Variants in DMBT1 observed in about 807,000 individuals in gnomAD.
The protein encoded by DMBT1 is scavenger receptor cysteine-rich domain-containing protein DMBT1.
A neutral mutation model predicts 252.9 loss-of-function variants in DMBT1; 198 were observed. That is an observed-to-expected ratio of 0.78 (90% CI 0.70 to 0.88). DMBT1 has a LOEUF of 0.88. DMBT1 is among the 40% of genes least tolerant of loss of function. The pLI is 0.00. For synonymous variants in DMBT1, 990 were observed against 942.7 expected, an observed-to-expected ratio of 1.05 and a Z score of -0.92; for missense variants, 2,432 against 2,404.7, an observed-to-expected ratio of 1.01 and a Z score of -0.24.
chr10:122,617,410 C>A, intron 40 of DMBT1, 150 bp downstream of exon 40: 1 of 1,033,158 alleles, frequency 9.7e-7, no homozygotes, highest in Non-Finnish European at 1.4e-6. Flanking sequence ...AGGGAGTCAG[C>A]CCTGGGTTTG....
At chr10:122,588,835 G>T in intron 16 of DMBT1, 109 bp from the exon 17 acceptor site, 1 of 1,537,542 alleles carries the variant, frequency 6.5e-7, no homozygotes, top group Non-Finnish European at 8.8e-7. Flanking sequence ...AATCGTGACT[G>T]CCTGCCCAGG....
intron 45 of DMBT1, 67 bp downstream of exon 45, chr10:122,625,370 A>G: frequency 6.8e-7 from 1 of 1,465,062 alleles, no homozygotes; most frequent in Non-Finnish European, 9.5e-7. Flanking sequence ...TGTTTCCAGA[A>G]GTAGGAGGAG....
chr10:122,585,384 A>T, intron 15 of DMBT1, 75 bp downstream of exon 15: 1 of 1,522,154 alleles, frequency 6.6e-7, no homozygotes, highest in South Asian at 1.2e-5. Context: ...AAATGATAGG[A>T]TGAGGGTCAA....
intron 27 of DMBT1, 32 bp downstream of exon 27, chr10:122,600,125 C>G: frequency 6.2e-7 from 1 of 1,602,288 alleles, no homozygotes; most frequent in Middle Eastern, 1.7e-4. Context: ...TCAAAATGTC[C>G]CTTCTCTTTC....
At position 122,565,670 on chromosome 10, in the gene DMBT1, A is replaced by G. The variant is rs1230404324; in HGVS notation, c.62-297A>G. 2.0e-5 allele frequency among the ~76,000 whole-genome samples: 3 copies of G among 152,344 alleles called. No individual in the cohort carries two copies. In the East Asian group the frequency reaches 5.8e-4, roughly 29 times the overall value. On this transcript the variant is annotated intron_variant, in intron 1 of 55. Coordinates refer to ENST00000338354, the MANE Select transcript of DMBT1 (RefSeq NM_001377530.1). ...GAGCTTAAGCTGTCTTCTCTTGTCC[A>G]GCCCTTCTTTCCAAGCATAGATTAC...
In DMBT1 at chr10:122,631,292, A is replaced by G. The variant is rs746646505; in HGVS notation, c.6346+11A>G. The stretch of plus-strand genomic sequence containing the variant: ...GTGTCATCTGCTCAGGTATGGCCCA[A>G]TGCCATGGAAGGCCCATTTCACCTG... On this transcript the variant is annotated intron_variant, in intron 49 of 55. Coordinates refer to ENST00000338354, the MANE Select transcript of DMBT1 (RefSeq NM_001377530.1). The G allele has an allele frequency of 4.9e-5, 79 of 1,608,102 alleles. No homozygotes were observed. Among genetic ancestry groups the G allele is most frequent in the Non-Finnish European group, 6.5e-5 (76 of 1,175,128 alleles).
chr10:122,570,759 G>A lies in DMBT1; in HGVS notation c.140-131G>A, dbSNP rs746263575. Reference sequence around the variant, plus strand: ...GTAACACAGTGATTGGCACATGGTTGGCTTTTAGCAATGGAGGTTGCCCTT... The same window carrying A: ...GTAACACAGTGATTGGCACATGGTTAGCTTTTAGCAATGGAGGTTGCCCTT... On this transcript the variant is annotated intron_variant, in intron 3 of 55. Transcript: ENST00000338354. 1.2e-3 allele frequency: 1,359 copies of A among 1,121,134 alleles called. 15 individuals are homozygous for A. The highest frequency in any genetic ancestry group is 1.3e-3 in the Admixed American group (76 of 57,950). 69.4% of individuals were successfully genotyped at this position (1,121,134 alleles called of 1,614,324 possible).
chr10:122,617,323 C>G, intron 40 of DMBT1, 63 bp downstream of exon 40: 1 of 1,562,348 alleles, frequency 6.4e-7, no homozygotes, highest in South Asian at 1.1e-5. Context: ...GTGTTTGAAA[C>G]TGATAGGATG....
rs1226106819 is a variant in DMBT1, at chr10:122,578,708, C to T, written c.638-10C>T. The T allele has an allele frequency of 1.9e-6, 3 of 1,605,136 alleles. No individual in the cohort carries two copies. In the African/African-American group the frequency reaches 4.0e-5, roughly 21 times the overall value. On this transcript the variant is annotated splice_polypyrimidine_tract_variant and intron_variant, in intron 8 of 55. Coordinates refer to ENST00000338354, the MANE Select transcript of DMBT1 (RefSeq NM_001377530.1). ...CCAATTGTATCCTTTCTCTTTGTTG[C>T]TGTTTACAGAAAGTTGGCCTGTCAG...
At position 122,636,166 on chromosome 10, in the gene DMBT1, G is replaced by C. The variant is rs988127835; in HGVS notation, c.6724G>C (p.Glu2242Gln). The C allele has an allele frequency of 2.5e-6, 4 of 1,613,794 alleles. No individual in the cohort carries two copies. The highest frequency in any genetic ancestry group is 3.4e-6 in the Non-Finnish European group (4 of 1,179,876). The change falls in exon 53 of 56, where the codon GAG becomes CAG. Residue 2242 changes from glutamate (E) to glutamine (Q), a missense_variant. Transcript: ENST00000338354. The stretch of plus-strand genomic sequence containing the variant: ...CATCACAAGGAGAGGGTTCCGGGCT[G>C]AGTACTACTCCAGTCCCTCCAATGA... ...HSITRRGFRA[E>Q]YYSSPSNDST...
chr10:122,586,236 A>G lies in DMBT1; in HGVS notation c.1636A>G (p.Asn546Asp), dbSNP rs1480099818. ...GCGWAMLAPGNARFGQGSGPI... is the reference protein window; with the variant it reads ...GCGWAMLAPGDARFGQGSGPI... Reference sequence around the variant, plus strand: ...TGGCTGGGCCATGTTGGCCCCAGGAAATGCCCGGTTTGGTCAGGGCTCAGG... The same window carrying G: ...TGGCTGGGCCATGTTGGCCCCAGGAGATGCCCGGTTTGGTCAGGGCTCAGG... The change falls in exon 16 of 56, where the codon AAT becomes GAT. Residue 546 changes from asparagine to aspartate, a missense_variant. By Grantham distance (23) the Asn-to-Asp change is conservative. Coordinates refer to ENST00000338354, the MANE Select transcript of DMBT1 (RefSeq NM_001377530.1). The G allele has an allele frequency of 1.3e-6, 2 of 1,588,878 alleles. No individual in the cohort carries two copies. Among genetic ancestry groups the G allele is most frequent in the African/African-American group, 2.7e-5 (2 of 74,624 alleles).
intron 18 of DMBT1, among the ~76,000 whole-genome samples, chr10:122,590,997 T>C (rs1218497193): frequency 1.3e-5 from 2 of 148,426 alleles, no homozygotes. Flanking sequence ...CATTCCTCAC[T>C]CCTTCAGACA....
intron 26 of DMBT1, 31 bp downstream of exon 26, chr10:122,599,128 T>G: frequency 6.2e-7 from 1 of 1,613,740 alleles, no homozygotes; most frequent in Non-Finnish European, 8.5e-7. Context: ...GATCACTCTC[T>G]TGGGGTGGAG....
At chr10:122,567,714 C>T (rs2981774) in intron 2 of DMBT1, among the ~76,000 whole-genome samples, 101,827 of 151,892 alleles carry the variant, frequency 0.67, 34,498 homozygotes, top group East Asian at 0.77. Flanking sequence ...GGCATCACGT[C>T]GGGCAGGAAC....
At position 122,570,893 on chromosome 10, in the gene DMBT1, C is replaced by A. The variant is rs1438141906; in HGVS notation, c.143C>A (p.Ser48Tyr). Residue 48 changes from serine to tyrosine, a missense_variant, in exon 4 of 56, where the codon TCT becomes TAT. Coordinates refer to ENST00000338354, the MANE Select transcript of DMBT1 (RefSeq NM_001377530.1). ...VPLDPTVAEG[S>Y]PFPSESTLES... ...TCTTCCTTTCTCCACCCTGCAGGTT[C>A]TCCATTTCCCTCGGAGTCGACCCTG... 2 of 1,613,420 alleles carry A rather than the reference C, an allele frequency of 1.2e-6. No homozygotes were observed. Among genetic ancestry groups the A allele is most frequent in the East Asian group, 4.5e-5 (2 of 44,876 alleles).
intron 1 of DMBT1, 131 bp from the exon 2 acceptor site, chr10:122,565,836 G>A (rs2097585244): frequency 2.5e-6 from 2 of 811,542 alleles, no homozygotes; most frequent in South Asian, 3.0e-5. Flanking sequence ...GAACGTCGGG[G>A]ACACACAAAC....
At chr10:122,625,366 C>T in intron 45 of DMBT1, 63 bp downstream of exon 45, 1 of 1,517,744 alleles carries the variant, frequency 6.6e-7, no homozygotes, top group Non-Finnish European at 9.1e-7. Flanking sequence ...CTCTTGTTTC[C>T]AGAAGTAGGA....
chr10:122,636,543 G>C (rs1372272541), intron 53 of DMBT1, among the ~76,000 whole-genome samples: 1 of 152,174 alleles, frequency 6.6e-6, no homozygotes, highest in African/African-American at 2.4e-5. Flanking sequence ...TCAGAGTGTG[G>C]GACACTGTGG....
chr10:122,630,176 G>T, intron 47 of DMBT1, 112 bp from the exon 48 acceptor site: 1 of 1,357,826 alleles, frequency 7.4e-7, no homozygotes, highest in Non-Finnish European at 1.0e-6. Flanking sequence ...TTGAGGAAGA[G>T]CTAGAAGAAA....
Sources: allele counts gnomAD v4.1 joint callset (sites outside exome capture counted in the v4.1 genomes callset), GRCh38; gene constraint gnomAD v4.1.1; transcripts MANE v1.5; gene names NCBI Gene and HGNC (gene_info 2026-07-23, HGNC 2026-07-21).